The following ARHGEF7 variants were observed in gnomAD, a reference collection of about 807,000 sequenced individuals.
ARHGEF7 encodes the protein PAK-interacting exchange factor beta.
Under a neutral mutation model 109.8 loss-of-function variants are expected in ARHGEF7, and 33 were observed. The ratio of observed to expected loss-of-function variants is 0.30; its 90% confidence interval spans 0.23 to 0.40. The LOEUF (loss-of-function observed/expected upper bound fraction) is 0.40. ARHGEF7 is among the 10% of genes least tolerant of loss of function. ARHGEF7 has a pLI of 1.00. For synonymous variants in ARHGEF7, 458 were observed against 424.6 expected, an observed-to-expected ratio of 1.08 and a Z score of -0.97; for missense variants, 938 against 1,098.5, an observed-to-expected ratio of 0.85 and a Z score of 2.07.
intron 1 of ARHGEF7, among the ~76,000 whole-genome samples, chr13:111,129,280 C>T (rs2074614704): frequency 6.6e-6 from 1 of 152,048 alleles, no homozygotes; most frequent in East Asian, 1.9e-4. Flanking sequence ...TAAGAGAAAA[C>T]ATTTGTGACT....
At chr13:111,249,736 G>A (rs184749734) in intron 8 of ARHGEF7, among the ~76,000 whole-genome samples, 9 of 152,116 alleles carry the variant, frequency 5.9e-5, no homozygotes, top group African/African-American at 2.2e-4. Context: ...AGATTTAGGG[G>A]CTCACAAGAA....
rs7990396 is a variant in ARHGEF7 at position 111,254,457 on chromosome 13, G to A, written c.950+10163G>A. 7.5e-4 allele frequency among the ~76,000 whole-genome samples: 86 copies of A among 114,998 alleles called. 10 individuals are homozygous for A. The highest frequency in any genetic ancestry group is 2.4e-3 in the African/African-American group (68 of 28,566). 75.4% of individuals were successfully genotyped at this position (114,998 alleles called of 152,430 possible). A position where few individuals can be genotyped will look rare whatever the true frequency, so the allele number is the denominator to read the frequency against. ...CTCAGAAGAGGATTCGGGCTAAGGCGCTGAGTCGCTAACATGAAGGCCGGC... is the reference window on the plus strand; with the variant it reads ...CTCAGAAGAGGATTCGGGCTAAGGCACTGAGTCGCTAACATGAAGGCCGGC... On this transcript the variant is annotated intron_variant, in intron 8 of 21. Transcript: ENST00000646102.
intron 1 of ARHGEF7, among the ~76,000 whole-genome samples, chr13:111,151,402 T>A (rs1476814634): frequency 1.3e-5 from 2 of 152,234 alleles, no homozygotes; most frequent in African/African-American, 4.8e-5. Flanking sequence ...GTTTAATATT[T>A]TCCTGACCTT....
intron 2 of ARHGEF7, among the ~76,000 whole-genome samples, chr13:111,156,949 A>G (rs1479203007): frequency 4.6e-5 from 7 of 152,196 alleles, no homozygotes; most frequent in Admixed American, 2.6e-4. Context: ...TGGTGTATAT[A>G]TTCTTATTTA....
chr13:111,151,741 G>A (rs867783703), intron 1 of ARHGEF7, among the ~76,000 whole-genome samples: 4 of 152,156 alleles, frequency 2.6e-5, no homozygotes, highest in Admixed American at 2.0e-4. Context: ...GCCTTCTTGC[G>A]CTTAGGGACA....
At chr13:111,115,151 C>T (rs1394220065), upstream of ARHGEF7, 2 of 147,554 alleles carry the variant, frequency 1.4e-5, no homozygotes, top group Non-Finnish European at 3.0e-5. Flanking sequence ...CGCTCCCAGC[C>T]GCCGCCGCCG....
chr13:111,268,359 AAAT>A (rs1334632976), intron 9 of ARHGEF7, among the ~76,000 whole-genome samples: 24 of 152,228 alleles, frequency 1.6e-4, no homozygotes, highest in Non-Finnish European at 2.8e-4. Flanking sequence ...GTTTTACAAA[AAAT>A]TAATACAAAG....
intron 1 of ARHGEF7, among the ~76,000 whole-genome samples, chr13:111,138,126 C>A (rs2075169628): frequency 6.6e-6 from 1 of 152,034 alleles, no homozygotes; most frequent in Non-Finnish European, 1.5e-5. Flanking sequence ...CCAGCCTGAC[C>A]AACATGGAGA....
At chr13:111,244,871 G>A (rs60886728) in intron 8 of ARHGEF7, among the ~76,000 whole-genome samples, 3,196 of 152,276 alleles carry the variant, frequency 0.021, 119 homozygotes, top group African/African-American at 0.073. Flanking sequence ...TTCTTGTAGC[G>A]TAAAAATCTG....
At chr13:111,300,384 T>C (rs2093537271) in intron 19 of ARHGEF7, among the ~76,000 whole-genome samples, 1 of 152,242 alleles carries the variant, frequency 6.6e-6, no homozygotes, top group Non-Finnish European at 1.5e-5. Flanking sequence ...TGGTCTCATA[T>C]GTCTTTGCTG....
intron 2 of ARHGEF7, among the ~76,000 whole-genome samples, chr13:111,199,802 G>T (rs2080997623): frequency 6.6e-6 from 1 of 152,302 alleles, no homozygotes; most frequent in South Asian, 2.1e-4. Flanking sequence ...TTAGGAGTTG[G>T]AGTGCTGGGT....
chr13:111,200,579 G>A (rs2081104716), intron 2 of ARHGEF7, among the ~76,000 whole-genome samples: 1 of 152,062 alleles, frequency 6.6e-6, no homozygotes, highest in South Asian at 2.1e-4. Context: ...ACCCACAGCT[G>A]TGTGGAGACT....
intron 2 of ARHGEF7, among the ~76,000 whole-genome samples, chr13:111,176,317 T>C (rs978498760): frequency 2.0e-5 from 3 of 152,234 alleles, no homozygotes; most frequent in African/African-American, 7.2e-5. Context: ...AGCAAGATAC[T>C]TTTTGATGTC....
chr13:111,203,805 T>C (rs1228183136), intron 2 of ARHGEF7, among the ~76,000 whole-genome samples: 1 of 152,248 alleles, frequency 6.6e-6, no homozygotes. Context: ...TTTTGAATAA[T>C]ACAGCAGGAC....
chr13:111,162,685 T>C (rs1381216957), intron 2 of ARHGEF7, among the ~76,000 whole-genome samples: 2 of 152,232 alleles, frequency 1.3e-5, no homozygotes, highest in African/African-American at 4.8e-5. Flanking sequence ...CTTCCCTGTG[T>C]ATTTCTGAAG....
intron 10 of ARHGEF7, among the ~76,000 whole-genome samples, chr13:111,274,348 T>A (rs2092354521): frequency 6.6e-6 from 1 of 152,198 alleles, no homozygotes; most frequent in Non-Finnish European, 1.5e-5. Flanking sequence ...AGCAGAAATT[T>A]GGGTTGAAGT....
At chr13:111,153,697 T>G in intron 1 of ARHGEF7, 1 of 1,305,534 alleles carries the variant, frequency 7.7e-7, no homozygotes, top group Non-Finnish European at 9.7e-7. Flanking sequence ...CAGAGATTGG[T>G]GCAGCCCCGG....
chr13:111,191,662 G>A (rs1269775563), intron 2 of ARHGEF7, among the ~76,000 whole-genome samples: 2 of 152,160 alleles, frequency 1.3e-5, no homozygotes, highest in Non-Finnish European at 2.9e-5. Context: ...CAGAGAGTGG[G>A]TTGAGAGTCT....
chr13:111,188,114 G>A (rs1161283885), intron 2 of ARHGEF7, among the ~76,000 whole-genome samples: 1 of 152,132 alleles, frequency 6.6e-6, no homozygotes, highest in Non-Finnish European at 1.5e-5. Flanking sequence ...GTGTGCCCTG[G>A]GATCACTCGC....
Sources: gnomAD v4.1 joint callset for allele counts (sites outside exome capture counted in the v4.1 genomes callset) on GRCh38, gnomAD v4.1.1 for gene constraint, MANE v1.5 for transcripts, NCBI Gene and HGNC (gene_info 2026-07-23, HGNC 2026-07-21) for gene names.